KAZN: variants seen among roughly 807,000 people sequenced by gnomAD.
KAZN encodes the protein kazrin, periplakin interacting protein.
A neutral mutation model predicts 87.4 loss-of-function variants in KAZN; 40 were observed. The ratio of observed to expected loss-of-function variants is 0.46; its 90% CI spans 0.36 to 0.60. The LOEUF (loss-of-function observed/expected upper bound fraction) is 0.60, where lower values mean the gene tolerates loss of function less well. Among genes scored for constraint, KAZN ranks in the 20% least tolerant of loss-of-function variants. The pLI, the probability that KAZN is intolerant of heterozygous loss-of-function variation, is 0.00. For missense variants in KAZN, 898 were observed against 1,073.9 expected (o/e 0.84, Z 2.29); for synonymous variants, 466 against 458.3 (o/e 1.02, Z -0.22).
intron 2 of KAZN, among the ~76,000 whole-genome samples, chr1:14,186,175 A>G (rs1646302931): frequency 6.6e-6 from 1 of 152,182 alleles, no homozygotes; most frequent in African/African-American, 2.4e-5. Context: ...TAGAGCTTTT[A>G]TGTTACATTT....
At chr1:15,100,336 G>T (rs534883209) in intron 10 of KAZN, among the ~76,000 whole-genome samples, 2 of 152,312 alleles carry the variant, frequency 1.3e-5, no homozygotes, top group East Asian at 3.9e-4. Context: ...CTCAGCAGGA[G>T]GGTGGCATGA....
At chr1:14,271,344 G>A (rs1052230501) in intron 2 of KAZN, among the ~76,000 whole-genome samples, 9 of 152,172 alleles carry the variant, frequency 5.9e-5, no homozygotes, top group Non-Finnish European at 7.4e-5. Context: ...AACCCTCAGC[G>A]CATATCAGTC....
chr1:14,456,594 C>A (rs957804422), intron 2 of KAZN, among the ~76,000 whole-genome samples: 16 of 152,122 alleles, frequency 1.1e-4, no homozygotes, highest in African/African-American at 3.9e-4. Flanking sequence ...CATTGCTATG[C>A]GGCCTCCATA....
chr1:13,926,537 A>C (rs1640283855), intron 1 of KAZN, among the ~76,000 whole-genome samples: 1 of 152,044 alleles, frequency 6.6e-6, no homozygotes, highest in African/African-American at 2.4e-5. Context: ...AGGCATGTAC[A>C]CGTGTAGCCA....
rs566834670 is a variant in KAZN, at chr1:14,994,091, A to G, written c.418+33216A>G. Among the ~76,000 whole-genome samples the G allele has an allele frequency of 3.9e-5, 6 of 152,330 alleles. No homozygotes were observed. In the South Asian group the frequency reaches 8.3e-4, roughly 21 times the overall value. The stretch of plus-strand genomic sequence containing the variant: ...GCTTTGATCCCTGGGCCCCCAGGCC[A>G]TGGAAGCAGGTCCCCTCTGCAAGCC... On this transcript the variant is annotated intron_variant, in intron 2 of 14. Transcript: ENST00000376030.
intron 2 of KAZN, among the ~76,000 whole-genome samples, chr1:14,443,824 C>A (rs978443699): frequency 1.3e-5 from 2 of 152,166 alleles, no homozygotes; most frequent in Admixed American, 6.5e-5. Flanking sequence ...GGTATAGCAG[C>A]ATTTTGCTAT....
intron 1 of KAZN, among the ~76,000 whole-genome samples, chr1:14,656,400 C>T (rs1638794711): frequency 6.6e-6 from 1 of 152,156 alleles, no homozygotes; most frequent in African/African-American, 2.4e-5. Flanking sequence ...TGGCTGGAAA[C>T]CCCAGGCAGG....
chr1:14,317,984 T>G (rs111944301), intron 2 of KAZN, among the ~76,000 whole-genome samples: 3,799 of 152,082 alleles, frequency 0.025, 169 homozygotes, highest in African/African-American at 0.087. Context: ...GTACCAATAT[T>G]AGAACCTTAT....
intron 1 of KAZN, among the ~76,000 whole-genome samples, chr1:14,156,835 C>T (rs576486189): frequency 6.6e-6 from 1 of 150,944 alleles, no homozygotes; most frequent in East Asian, 1.9e-4. Flanking sequence ...CATTTACATT[C>T]CATGCTATTA....
intron 1 of KAZN, among the ~76,000 whole-genome samples, chr1:14,061,789 G>T (rs1032978050): frequency 6.6e-6 from 1 of 152,218 alleles, no homozygotes; most frequent in African/African-American, 2.4e-5. Flanking sequence ...TAAGGAGGAA[G>T]CTTGCCTTTT....
chr1:14,090,683 T>C (rs1643956327), intron 1 of KAZN, among the ~76,000 whole-genome samples: 1 of 152,212 alleles, frequency 6.6e-6, no homozygotes, highest in Admixed American at 6.5e-5. Context: ...CATGTGTTTC[T>C]ACACTGACTG....
intron 2 of KAZN, among the ~76,000 whole-genome samples, chr1:14,326,674 C>T (rs1252813591): frequency 1.3e-5 from 2 of 152,184 alleles, no homozygotes; most frequent in African/African-American, 4.8e-5. Flanking sequence ...CTTTCCACTC[C>T]CTGCATCCTT....
intron 1 of KAZN, among the ~76,000 whole-genome samples, chr1:14,072,173 A>G (rs1273120690): frequency 6.6e-6 from 1 of 152,174 alleles, no homozygotes; most frequent in Admixed American, 6.5e-5. Context: ...GGTGATGATG[A>G]TGATATTTAC....
chr1:14,986,719 A>G (rs1260638365), intron 2 of KAZN, among the ~76,000 whole-genome samples: 1 of 152,100 alleles, frequency 6.6e-6, no homozygotes, highest in Non-Finnish European at 1.5e-5. Flanking sequence ...GCTCAATTCC[A>G]AATCTAAGTC....
intron 2 of KAZN, among the ~76,000 whole-genome samples, chr1:14,367,806 C>T (rs1307452074): frequency 6.6e-6 from 1 of 152,164 alleles, no homozygotes; most frequent in Non-Finnish European, 1.5e-5. Flanking sequence ...ACTCCTGCCC[C>T]CTAAACATGC....
At chr1:14,540,209 T>G (rs1672727277) in intron 2 of KAZN, among the ~76,000 whole-genome samples, 1 of 152,208 alleles carries the variant, frequency 6.6e-6, no homozygotes, top group Non-Finnish European at 1.5e-5. Context: ...GAGTTGGTTT[T>G]GCTTTGAGTT....
intron 1 of KAZN, among the ~76,000 whole-genome samples, chr1:14,926,395 C>G (rs1015112946): frequency 3.9e-5 from 6 of 152,166 alleles, no homozygotes; most frequent in Non-Finnish European, 8.8e-5. Context: ...TGCCTGTTTC[C>G]TAGGTCTAGG....
At chr1:13,983,068 G>T (rs1168338327) in intron 1 of KAZN, among the ~76,000 whole-genome samples, 4 of 152,380 alleles carry the variant, frequency 2.6e-5, no homozygotes, top group East Asian at 1.9e-4. Flanking sequence ...GTTCTCCAAG[G>T]CCCCACCAGA....
At chr1:14,339,885 A>G (rs1414173396) in intron 2 of KAZN, among the ~76,000 whole-genome samples, 1 of 152,126 alleles carries the variant, frequency 6.6e-6, no homozygotes, top group East Asian at 1.9e-4. Context: ...CCCCCTTCCC[A>G]TGAGTTATCC....
Sources: allele counts gnomAD v4.1 joint callset (sites outside exome capture counted in the v4.1 genomes callset), GRCh38; gene constraint gnomAD v4.1.1; transcripts MANE v1.5; gene names NCBI Gene and HGNC (gene_info 2026-07-23, HGNC 2026-07-21).